The following KCNH7 variants were observed in gnomAD, a reference collection of about 807,000 sequenced individuals.
KCNH7 encodes the protein potassium voltage-gated channel subfamily H member 7.
In KCNH7, 49 loss-of-function variants were observed where a neutral mutation model predicts 120.8. The ratio of observed to expected loss-of-function variants is 0.41; its 90% CI spans 0.32 to 0.51. The LOEUF is 0.51. KCNH7 is among the 20% of genes least tolerant of loss of function. KCNH7 has a pLI of 0.38. For synonymous variants in KCNH7, 547 were observed against 516.1 expected (o/e 1.06, Z -0.81); for missense variants, 1,097 against 1,446.6 (o/e 0.76, Z 3.92).
At chr2:162,529,055 C>T (rs184697112) in intron 3 of KCNH7, among the ~76,000 whole-genome samples, 124 of 152,046 alleles carry the variant, frequency 8.2e-4, no homozygotes, top group Middle Eastern at 3.4e-3. Flanking sequence ...AAAGGCAGTT[C>T]TTAGCTTGAA....
At chr2:162,415,878 A>G (rs1395814397) in intron 9 of KCNH7, among the ~76,000 whole-genome samples, 1 of 152,024 alleles carries the variant, frequency 6.6e-6, no homozygotes, top group Non-Finnish European at 1.5e-5. Flanking sequence ...ACATGCTTCC[A>G]CTCTGCTTTT....
At chr2:162,722,627 A>G (rs982652767) in intron 2 of KCNH7, among the ~76,000 whole-genome samples, 1 of 151,968 alleles carries the variant, frequency 6.6e-6, no homozygotes, top group Non-Finnish European at 1.5e-5. Flanking sequence ...CCTAGATGTG[A>G]ATATCTATTT....
chr2:162,719,956 T>C (rs1279191057), intron 2 of KCNH7, among the ~76,000 whole-genome samples: 2 of 152,084 alleles, frequency 1.3e-5, no homozygotes, highest in African/African-American at 4.8e-5. Context: ...CTGTTAGCTA[T>C]GGCCAAGAAA....
At chr2:162,573,054 A>T (rs1021150340) in intron 2 of KCNH7, among the ~76,000 whole-genome samples, 2 of 152,010 alleles carry the variant, frequency 1.3e-5, no homozygotes, top group East Asian at 3.9e-4. Context: ...TAATAATAAC[A>T]CACTTAAAAA....
At chr2:162,565,822 T>G (rs965795066) in intron 2 of KCNH7, among the ~76,000 whole-genome samples, 1 of 152,046 alleles carries the variant, frequency 6.6e-6, no homozygotes, top group African/African-American at 2.4e-5. Flanking sequence ...ACTAACAACT[T>G]GGTATAAGTG....
chr2:162,634,275 A>G (rs1014472120), intron 2 of KCNH7, among the ~76,000 whole-genome samples: 1 of 152,178 alleles, frequency 6.6e-6, no homozygotes, highest in African/African-American at 2.4e-5. Context: ...ATGAAAATAT[A>G]GGTAACACAG....
At chr2:162,646,976 T>C (rs1684380875) in intron 2 of KCNH7, among the ~76,000 whole-genome samples, 2 of 152,176 alleles carry the variant, frequency 1.3e-5, no homozygotes, top group African/African-American at 2.4e-5. Flanking sequence ...CCTGATCTGA[T>C]AACCTTGTGG....
chr2:162,400,698 C>T (rs1415804716), intron 9 of KCNH7, among the ~76,000 whole-genome samples: 1 of 151,826 alleles, frequency 6.6e-6, no homozygotes, highest in African/African-American at 2.4e-5. Context: ...AATATAATGC[C>T]TACAACTTTT....
At chr2:162,402,554 A>T (rs1687096146) in intron 9 of KCNH7, among the ~76,000 whole-genome samples, 1 of 151,392 alleles carries the variant, frequency 6.6e-6, no homozygotes, top group African/African-American at 2.4e-5. Context: ...AAGTAGCCCC[A>T]TGCAGATAAA....
At chr2:162,582,156 T>G (rs1401535743) in intron 2 of KCNH7, among the ~76,000 whole-genome samples, 1 of 152,080 alleles carries the variant, frequency 6.6e-6, no homozygotes, top group Non-Finnish European at 1.5e-5. Flanking sequence ...AGATTACCCC[T>G]GCTGGAATAG....
intron 6 of KCNH7, among the ~76,000 whole-genome samples, chr2:162,493,077 A>T (rs1690376446): frequency 6.6e-6 from 1 of 152,064 alleles, no homozygotes; most frequent in Non-Finnish European, 1.5e-5. Flanking sequence ...AACCCCAGGA[A>T]TTAAAAGCAA....
At chr2:162,678,421 G>A (rs76706746) in intron 2 of KCNH7, among the ~76,000 whole-genome samples, 1 of 151,322 alleles carries the variant, frequency 6.6e-6, no homozygotes, top group African/African-American at 2.4e-5. Context: ...ACAACTGATA[G>A]CTGATCAAAG....
intron 2 of KCNH7, among the ~76,000 whole-genome samples, chr2:162,778,684 C>T (rs912240897): frequency 1.1e-4 from 17 of 152,202 alleles, no homozygotes; most frequent in African/African-American, 3.6e-4. Context: ...ATACTTTTTA[C>T]AATTATTAAA....
intron 6 of KCNH7, among the ~76,000 whole-genome samples, chr2:162,466,657 C>T (rs945055782): frequency 2.0e-5 from 3 of 152,194 alleles, no homozygotes; most frequent in Non-Finnish European, 2.9e-5. Context: ...AAACCAAGTG[C>T]CATCTGAGGC....
In KCNH7 at chr2:162,518,089, T is replaced by C. The variant is rs1259431879; in HGVS notation, c.533A>G (p.Glu178Gly). The change falls in exon 4 of 16, where the codon GAA (glutamate) becomes GGA (glycine). Residue 178 changes from glutamate to glycine, a missense_variant. Glu to Gly is a moderately conservative substitution (Grantham distance 98). Around this residue, in one of 8 missense-constraint regions of KCNH7, gnomAD observed 362 missense variants for 372.2 expected, o/e 0.97. Coordinates refer to ENST00000332142, the MANE Select transcript of KCNH7 (RefSeq NM_033272.4). ...LTYRKQSLPQ[E>G]DPDVVVIDSS... The stretch of plus-strand genomic sequence containing the variant: ...ATCGATGACCACCACATCGGGGTCT[T>C]CTTGTGGTAAGGACTGCTTTCTGTA... The C allele has an allele frequency of 1.2e-6, 2 of 1,612,312 alleles. No homozygotes were observed. Among genetic ancestry groups the C allele is most frequent in the South Asian group, 2.2e-5 (2 of 91,046 alleles).
intron 8 of KCNH7, among the ~76,000 whole-genome samples, chr2:162,430,035 G>T (rs1688013784): frequency 6.6e-6 from 1 of 151,376 alleles, no homozygotes; most frequent in African/African-American, 2.4e-5. Context: ...TTCAATGCTT[G>T]TAACTTTTTT....
intron 6 of KCNH7, among the ~76,000 whole-genome samples, chr2:162,492,374 T>C (rs1164269873): frequency 6.6e-6 from 1 of 152,192 alleles, no homozygotes; most frequent in Non-Finnish European, 1.5e-5. Flanking sequence ...TTTTATGTCT[T>C]TGGGGGCTTG....
At chr2:162,518,810 GT>G (rs781395597) in intron 3 of KCNH7, among the ~76,000 whole-genome samples, 204 of 119,374 alleles carry the variant, frequency 1.7e-3, no homozygotes, top group Middle Eastern at 4.1e-3. Context: ...CCTGTTTTCT[GT>G]TTTTTTTTTT....
chr2:162,797,569 T>C (rs1385631568), intron 2 of KCNH7: 2 of 151,994 alleles, frequency 1.3e-5, no homozygotes, highest in Non-Finnish European at 1.5e-5. Context: ...AAGAATGAAA[T>C]ATAACTATAG....
Sources: allele counts gnomAD v4.1 joint callset (sites outside exome capture counted in the v4.1 genomes callset), GRCh38; gene constraint gnomAD v4.1.1; regional missense constraint gnomAD v4.1.1; transcripts MANE v1.5; gene names NCBI Gene and HGNC (gene_info 2026-07-23, HGNC 2026-07-21).